Variants in ACTR3B observed in about 807,000 individuals in gnomAD.
ACTR3B encodes the protein actin related protein 3B, also known as actin-related protein 3B.
In ACTR3B, 8 loss-of-function variants were observed where a neutral mutation model predicts 59.0. The ratio of observed to expected loss-of-function variants is 0.14; its 90% CI spans 0.08 to 0.24. The LOEUF (loss-of-function observed/expected upper bound fraction) is 0.24, where lower values mean the gene tolerates loss of function less well. Among genes scored for constraint, ACTR3B ranks in the 10% least tolerant of loss-of-function variants. The pLI is 1.00. For missense variants in ACTR3B, 245 were observed against 552.3 expected (o/e 0.44, Z 5.58); for synonymous variants, 148 against 197.9 (o/e 0.75, Z 2.12).
At chr7:152,803,105 G>A (rs1196051995) in intron 4 of ACTR3B, among the ~76,000 whole-genome samples, 1 of 152,150 alleles carries the variant, frequency 6.6e-6, no homozygotes, top group Non-Finnish European at 1.5e-5. Context: ...GGAGTTCTGT[G>A]GCACAATCCT....
intron 11 of ACTR3B, 60 bp downstream of exon 11, chr7:152,853,637 TA>T: frequency 6.9e-7 from 1 of 1,456,768 alleles, no homozygotes; most frequent in African/African-American, 1.4e-5. Context: ...TGAGTTTGGG[TA>T]AATACTGTCT....
chr7:152,852,368 T>A, intron 10 of ACTR3B, 117 bp downstream of exon 10: 1 of 1,292,606 alleles, frequency 7.7e-7, no homozygotes, highest in Non-Finnish European at 1.0e-6. Flanking sequence ...AAACAAGTGT[T>A]CATCGCTTTC....
intron 9 of ACTR3B, among the ~76,000 whole-genome samples, chr7:152,848,314 A>G (rs978760780): frequency 6.6e-6 from 1 of 152,154 alleles, no homozygotes; most frequent in Non-Finnish European, 1.5e-5. Context: ...TCCTTGGGGC[A>G]CTGTTTGGGA....
intron 9 of ACTR3B, among the ~76,000 whole-genome samples, chr7:152,848,268 G>A (rs552768711): frequency 1.3e-5 from 2 of 152,172 alleles, no homozygotes; most frequent in Non-Finnish European, 2.9e-5. Context: ...CCTACACTGC[G>A]GTGGGCCAAG....
At chr7:152,781,555 C>T (rs1460706449) in intron 1 of ACTR3B, among the ~76,000 whole-genome samples, 2 of 152,144 alleles carry the variant, frequency 1.3e-5, no homozygotes, top group African/African-American at 4.8e-5. Context: ...TAAGGTGCAT[C>T]ATTTTTGTGG....
intron 1 of ACTR3B, among the ~76,000 whole-genome samples, chr7:152,767,143 T>C (rs891980458): frequency 2.0e-5 from 3 of 151,716 alleles, no homozygotes; most frequent in Admixed American, 2.0e-4. Context: ...AATCTCTAAT[T>C]CATTTGGAAT....
At position 152,759,903 on chromosome 7, in the gene ACTR3B, C is replaced by T; in HGVS notation, c.21C>T (p.Pro7=). The T allele has an allele frequency of 7.2e-7, 1 of 1,386,834 alleles. No individual in the cohort carries two copies. Among genetic ancestry groups the T allele is most frequent in the Non-Finnish European group, 9.4e-7 (1 of 1,061,240 alleles). 85.9% of individuals were successfully genotyped at this position (1,386,834 alleles called of 1,614,324 possible). Residue 7 remains proline, a synonymous_variant, in exon 1 of 12, where the codon CCC becomes CCT. Coordinates refer to ENST00000256001, the MANE Select transcript of ACTR3B (RefSeq NM_020445.6). The stretch of plus-strand genomic sequence containing the variant: ...CGAGCATGGCAGGCTCCCTGCCTCC[C>T]TGCGTGGTGGACTGTGGCACCGGGT... MAGSLP[P]CVVDCGTGYT...
At chr7:152,773,705 A>AT (rs780990279) in intron 1 of ACTR3B, among the ~76,000 whole-genome samples, 6 of 152,184 alleles carry the variant, frequency 3.9e-5, no homozygotes, top group Non-Finnish European at 7.4e-5. Context: ...TTTAATTGTT[A>AT]TTTTTTTGGT....
rs997737448 is a variant in ACTR3B at position 152,854,005 on chromosome 7, G to A, written c.1161+428G>A. ...GGCCTCGCAAAGTGCTGCAATTACAGGTGTGAGCCTCTGTGCCCGGCCCGA... is the reference window on the plus strand; with the variant it reads ...GGCCTCGCAAAGTGCTGCAATTACAAGTGTGAGCCTCTGTGCCCGGCCCGA... On this transcript the variant is annotated intron_variant, in intron 11 of 11. Transcript: ENST00000256001. The surrounding 1 kb of genome is among the most constrained non-coding windows in gnomAD (Gnocchi z 4.9). Among the ~76,000 whole-genome samples, 3 of 152,086 alleles carry A rather than the reference G, an allele frequency of 2.0e-5. No individual in the cohort carries two copies. Among genetic ancestry groups the A allele is most frequent in the South Asian group, 2.1e-4 (1 of 4,830 alleles).
At chr7:152,765,225 C>G (rs2117111052) in intron 1 of ACTR3B, among the ~76,000 whole-genome samples, 1 of 145,634 alleles carries the variant, frequency 6.9e-6, no homozygotes, top group South Asian at 2.2e-4. Flanking sequence ...TCAAGTGATT[C>G]TCCTGCCTCA....
intron 1 of ACTR3B, among the ~76,000 whole-genome samples, chr7:152,765,437 A>T: frequency 1.4e-5 from 2 of 145,430 alleles, no homozygotes; most frequent in African/African-American, 2.6e-5. Flanking sequence ...TTTTTTAAAT[A>T]GTCATTCCAC....
At chr7:152,767,249 G>GA (rs1430412491) in intron 1 of ACTR3B, among the ~76,000 whole-genome samples, 1 of 152,026 alleles carries the variant, frequency 6.6e-6, no homozygotes, top group African/African-American at 2.4e-5. Flanking sequence ...ATAATTTATG[G>GA]AAAAAACCCA....
In ACTR3B at chr7:152,852,148, C is replaced by A. The variant is rs1240484739; in HGVS notation, c.974C>A (p.Ser325Tyr). ...LYKNVVLSGGSTMFRDFGRRL... is the reference protein window; with the variant it reads ...LYKNVVLSGGYTMFRDFGRRL... Reference sequence around the variant, plus strand: ...TAGAATGTCGTACTCTCAGGAGGCTCCACCATGTTCAGGGATTTCGGACGC... The same window carrying A: ...TAGAATGTCGTACTCTCAGGAGGCTACACCATGTTCAGGGATTTCGGACGC... The change falls in exon 10 of 12, where the codon TCC becomes TAC. Residue 325 changes from serine to tyrosine, a missense_variant. Physicochemically the swap from Ser to Tyr is moderately radical, Grantham distance 144. Around this residue, in one of 7 missense-constraint regions of ACTR3B, gnomAD observed 153 missense variants for 266.2 expected, o/e 0.57. Coordinates refer to ENST00000256001, the MANE Select transcript of ACTR3B (RefSeq NM_020445.6). 1 of 1,614,058 alleles carries A rather than the reference C, an allele frequency of 6.2e-7. No individual in the cohort carries two copies.
intron 1 of ACTR3B, among the ~76,000 whole-genome samples, chr7:152,769,034 G>A (rs1401351596): frequency 6.6e-6 from 1 of 151,408 alleles, no homozygotes; most frequent in Non-Finnish European, 1.5e-5. Context: ...TGTGTTTTTA[G>A]TAGAGACGGG....
intron 2 of ACTR3B, among the ~76,000 whole-genome samples, chr7:152,788,796 T>C (rs2098183528): frequency 6.6e-6 from 1 of 152,018 alleles, no homozygotes; most frequent in Non-Finnish European, 1.5e-5. Flanking sequence ...CTAAGGTGGG[T>C]GGATCACTTG....
rs184859209 is a variant in ACTR3B, at chr7:152,808,565, A to G, written c.337-5985A>G. On this transcript the variant is annotated intron_variant, in intron 4 of 11. Transcript: ENST00000256001. Reference sequence around the variant, plus strand: ...CTTCCTACAGGTCTGTTTTTGCTTCAGGTTAAATAGGCAGCTCTTTGCTGG... The same window carrying G: ...CTTCCTACAGGTCTGTTTTTGCTTCGGGTTAAATAGGCAGCTCTTTGCTGG... 7.9e-5 allele frequency among the ~76,000 whole-genome samples: 12 copies of G among 152,296 alleles called. No homozygotes were observed. In the East Asian group the frequency reaches 2.3e-3, roughly 29 times the overall value.
rs1485593894 is a variant in ACTR3B, at chr7:152,854,258, C to A, written c.1162-200C>A. On this transcript the variant is annotated intron_variant, in intron 11 of 11. Coordinates refer to ENST00000256001, the MANE Select transcript of ACTR3B (RefSeq NM_020445.6). This position sits in a 1 kb window ranked among gnomAD's most constrained non-coding sequence, Gnocchi z 4.9. ...GCATTTGGTTGGTCCTAAGAAGATA[C>A]AGGCTGATGAAATTTCTAAAAAGTG... Among the ~76,000 whole-genome samples the A allele has an allele frequency of 6.6e-6, 1 of 152,134 alleles. No homozygotes were observed. The highest frequency in any genetic ancestry group is 1.5e-5 in the Non-Finnish European group (1 of 68,038).
chr7:152,814,694 A>G, intron 5 of ACTR3B, 49 bp downstream of exon 5: 1 of 1,476,984 alleles, frequency 6.8e-7, no homozygotes, highest in African/African-American at 1.4e-5. Flanking sequence ...GCTGTCTAGT[A>G]GCGGAAGAAA....
At chr7:152,766,054 T>C (rs1051064321) in intron 1 of ACTR3B, among the ~76,000 whole-genome samples, 130 of 152,256 alleles carry the variant, frequency 8.5e-4, no homozygotes, top group Middle Eastern at 3.4e-3. Context: ...GCTTCTTCAT[T>C]TTTAGAAGCT....
Sources: gnomAD v4.1 joint callset for allele counts (sites outside exome capture counted in the v4.1 genomes callset) on GRCh38, gnomAD v4.1.1 for gene constraint, gnomAD v4.1.1 regional missense constraint, Gnocchi (gnomAD v3.1) non-coding constraint, MANE v1.5 for transcripts, NCBI Gene and HGNC (gene_info 2026-07-23, HGNC 2026-07-21) for gene names.